The following GATB variants were observed in gnomAD, a reference collection of about 807,000 sequenced individuals.
GATB encodes the protein glutamyl-tRNA(Gln) amidotransferase subunit B, mitochondrial.
GATB carries 39 observed loss-of-function variants against 62.3 expected under a neutral mutation model. The ratio of observed to expected loss-of-function variants is 0.63; its 90% CI spans 0.48 to 0.82. The LOEUF is 0.82. Ranked by LOEUF, GATB falls within the 40% of genes least tolerant of loss-of-function variation. The pLI, the probability that GATB is intolerant of heterozygous loss-of-function variation, is 0.00. For missense variants in GATB, 670 were observed against 684.0 expected, an observed-to-expected ratio of 0.98 and a Z score of 0.23; for synonymous variants, 276 against 258.9, an observed-to-expected ratio of 1.07 and a Z score of -0.63.
intron 2 of GATB, among the ~76,000 whole-genome samples, chr4:151,756,920 C>T (rs894263303): frequency 2.6e-5 from 4 of 152,130 alleles, no homozygotes; most frequent in African/African-American, 9.7e-5. Flanking sequence ...ATAGCCATCA[C>T]ATTCACAGCT....
chr4:151,732,884 A>G (rs1467791028), intron 2 of GATB, among the ~76,000 whole-genome samples: 1 of 151,922 alleles, frequency 6.6e-6, no homozygotes, highest in Non-Finnish European at 1.5e-5. Flanking sequence ...AAAAAACTAA[A>G]AAATTCAGGA....
At chr4:151,741,727 A>G (rs898922334) in intron 2 of GATB, among the ~76,000 whole-genome samples, 1 of 152,194 alleles carries the variant, frequency 6.6e-6, no homozygotes, top group Non-Finnish European at 1.5e-5. Flanking sequence ...GCGAACTCTC[A>G]ATTTCCTCAT....
intron 2 of GATB, among the ~76,000 whole-genome samples, chr4:151,741,687 A>G (rs907510162): frequency 6.6e-6 from 1 of 152,210 alleles, no homozygotes; most frequent in African/African-American, 2.4e-5. Flanking sequence ...GAGGTCCCTC[A>G]GGTTCGCCAA....
intron 9 of GATB, among the ~76,000 whole-genome samples, chr4:151,695,304 T>C (rs1738446304): frequency 6.6e-6 from 1 of 152,142 alleles, no homozygotes; most frequent in Non-Finnish European, 1.5e-5. Context: ...AAGTGAGTCA[T>C]CGCCCCCTCT....
At chr4:151,745,295 A>G (rs1560864825) in intron 2 of GATB, among the ~76,000 whole-genome samples, 1 of 152,178 alleles carries the variant, frequency 6.6e-6, no homozygotes, top group Non-Finnish European at 1.5e-5. Context: ...CTACATTTTG[A>G]GTTAAAAACA....
In GATB at chr4:151,705,205, G is replaced by A. The variant is rs1738691423; in HGVS notation, c.942C>T (p.Arg314=). ...ENGGEILNET[R]SFHHKLGCTM... ...CTCACCCCAGCTTGTGATGAAATGAGCGTGTTTCGTTCAGAATTTCACCTC... is the reference window on the plus strand; with the variant it reads ...CTCACCCCAGCTTGTGATGAAATGAACGTGTTTCGTTCAGAATTTCACCTC... Residue 314 remains arginine, a synonymous_variant, in exon 7 of 13, where the codon CGC becomes CGT. Coordinates refer to ENST00000263985, the MANE Select transcript of GATB (RefSeq NM_004564.3). 1 of 1,613,014 alleles carries A rather than the reference G, an allele frequency of 6.2e-7. No homozygotes were observed. Among genetic ancestry groups the A allele is most frequent in the Non-Finnish European group, 8.5e-7 (1 of 1,179,078 alleles).
At chr4:151,735,757 T>TATATATATATATATATATATATATATATA (rs1186195836) in intron 2 of GATB, among the ~76,000 whole-genome samples, 33 of 136,452 alleles carry the variant, frequency 2.4e-4, no homozygotes, top group South Asian at 1.3e-3. Context: ...TATATATATA[T>TATATATATATATATATATATATATATATA]GATGGAATAC....
At chr4:151,688,587 G>C (rs749741185) in intron 10 of GATB, 43 bp downstream of exon 10, 2 of 1,579,160 alleles carry the variant, frequency 1.3e-6, no homozygotes, top group South Asian at 2.4e-5. Flanking sequence ...CTTCTGGACA[G>C]AGCTCATCAC....
intron 2 of GATB, among the ~76,000 whole-genome samples, chr4:151,753,598 T>A (rs1314498253): frequency 1.3e-5 from 2 of 151,828 alleles, no homozygotes; most frequent in African/African-American, 4.8e-5. Context: ...TGTGTTCAGT[T>A]GATCATATTA....
intron 2 of GATB, chr4:151,723,023 G>A (rs1739060163): frequency 4.6e-5 from 7 of 152,216 alleles, no homozygotes; most frequent in Admixed American, 4.6e-4. Flanking sequence ...CTTGAAGAAA[G>A]TATGTTCCAG....
chr4:151,750,123 C>G (rs979315785), intron 2 of GATB, among the ~76,000 whole-genome samples: 2 of 152,182 alleles, frequency 1.3e-5, no homozygotes, highest in Non-Finnish European at 1.5e-5. Flanking sequence ...CCTCGTGATC[C>G]GCCCACCTCG....
At chr4:151,682,935 T>A (rs1303165997) in intron 10 of GATB, among the ~76,000 whole-genome samples, 2 of 152,092 alleles carry the variant, frequency 1.3e-5, no homozygotes, top group African/African-American at 4.8e-5. Flanking sequence ...CCTCTGCACA[T>A]GCCCTCACCT....
At chr4:151,700,798 C>T (rs938662408) in intron 9 of GATB, among the ~76,000 whole-genome samples, 3 of 152,208 alleles carry the variant, frequency 2.0e-5, no homozygotes, top group Non-Finnish European at 2.9e-5. Flanking sequence ...GGTTCTCTAC[C>T]GGCCCCGTCA....
intron 10 of GATB, among the ~76,000 whole-genome samples, chr4:151,685,497 G>A (rs547702068): frequency 2.8e-4 from 43 of 152,148 alleles, no homozygotes; most frequent in African/African-American, 1.0e-3. Flanking sequence ...ACACCTCTTG[G>A]CCTCTTTCCA....
intron 3 of GATB, among the ~76,000 whole-genome samples, chr4:151,718,152 T>C (rs569032733): frequency 2.2e-4 from 33 of 152,342 alleles, no homozygotes; most frequent in Non-Finnish European, 1.8e-4. Flanking sequence ...CCTGAAGATT[T>C]ATATTTCTTA....
At chr4:151,742,613 A>G (rs1739516075) in intron 2 of GATB, among the ~76,000 whole-genome samples, 2 of 152,216 alleles carry the variant, frequency 1.3e-5, no homozygotes, top group Admixed American at 1.3e-4. Context: ...GCTCTCAGAC[A>G]GGCTTGGGGT....
At chr4:151,723,306 G>A (rs1739067915) in intron 2 of GATB, 2 of 152,198 alleles carry the variant, frequency 1.3e-5, no homozygotes, top group South Asian at 4.1e-4. Context: ...TTACAATGAA[G>A]GGAAGCATAG....
At chr4:151,694,821 G>A (rs927788268) in intron 9 of GATB, among the ~76,000 whole-genome samples, 2 of 152,162 alleles carry the variant, frequency 1.3e-5, no homozygotes, top group African/African-American at 4.8e-5. Flanking sequence ...AAGCAAACCT[G>A]GTCATTTCTG....
At position 151,739,281 on chromosome 4, in the gene GATB, A is replaced by T. The variant is rs573453504; in HGVS notation, c.327+19491T>A. Among the ~76,000 whole-genome samples, 3 of 152,302 alleles carry T rather than the reference A, an allele frequency of 2.0e-5. No homozygotes were observed. In the East Asian group the frequency reaches 5.8e-4, roughly 29 times the overall value. On this transcript the variant is annotated intron_variant, in intron 2 of 12. Coordinates refer to ENST00000263985, the MANE Select transcript of GATB (RefSeq NM_004564.3). ...GTACCCAGTGGTGAAAGGCTGGGGA[A>T]CACAAAGGCTCACTAGCAAGAATCC...
Sources: gnomAD v4.1 joint callset for allele counts (sites outside exome capture counted in the v4.1 genomes callset) on GRCh38, gnomAD v4.1.1 for gene constraint, MANE v1.5 for transcripts, NCBI Gene and HGNC (gene_info 2026-07-23, HGNC 2026-07-21) for gene names.